Variants in PHF2 observed in about 807,000 individuals in gnomAD.
PHF2 encodes PHD finger protein 2, also known as lysine-specific demethylase PHF2.
Under a neutral mutation model 120.5 loss-of-function variants are expected in PHF2, and 27 were observed. That is an observed-to-expected ratio of 0.22 (90% CI 0.17 to 0.31). The LOEUF is 0.31. PHF2 is among the 10% of genes least tolerant of loss of function. The pLI is 1.00. For missense variants in PHF2, 1,024 were observed against 1,434.8 expected (o/e 0.71, Z 4.63); for synonymous variants, 568 against 592.5 (o/e 0.96, Z 0.60).
At chr9:93,605,799 C>T (rs1825533050) in intron 1 of PHF2, among the ~76,000 whole-genome samples, 1 of 152,078 alleles carries the variant, frequency 6.6e-6, no homozygotes, top group Non-Finnish European at 1.5e-5. Flanking sequence ...TTTATTTATC[C>T]ATTCACCTAC....
intron 1 of PHF2, among the ~76,000 whole-genome samples, chr9:93,613,352 A>G (rs1480358358): frequency 6.6e-6 from 1 of 152,184 alleles, no homozygotes; most frequent in Non-Finnish European, 1.5e-5. Flanking sequence ...CTGCTCCTCT[A>G]GATGGGATTC....
chr9:93,654,683 C>T, intron 7 of PHF2, 108 bp downstream of exon 7: 1 of 1,015,720 alleles, frequency 9.8e-7, no homozygotes, highest in Non-Finnish European at 1.5e-6. Flanking sequence ...TCTTCGGCAT[C>T]CCTGGCATGC....
Position 93,649,145 on chromosome 9 carries a change from G to A in PHF2, c.535G>A (p.Asp179Asn). 1 of 1,550,708 alleles carries A rather than the reference G, an allele frequency of 6.4e-7. No individual in the cohort carries two copies. ...DCKMKLKEFV[D>N]YYYSTNRKRV... Reference sequence around the variant, plus strand: ...CAAGATGAAGCTGAAGGAGTTTGTGGACTATTACTACAGCACCAACCGCAA... The same window carrying A: ...CAAGATGAAGCTGAAGGAGTTTGTGAACTATTACTACAGCACCAACCGCAA... The change falls in exon 5 of 22, where the codon GAC becomes AAC. Residue 179 changes from aspartate to asparagine, a missense_variant. Around this residue, in one of 2 missense-constraint regions of PHF2, gnomAD observed 347 missense variants for 577.4 expected, o/e 0.60. Coordinates refer to ENST00000359246, the MANE Select transcript of PHF2 (RefSeq NM_005392.4).
At chr9:93,673,487 T>C in intron 17 of PHF2, 98 bp from the exon 18 acceptor site, 1 of 1,104,892 alleles carries the variant, frequency 9.1e-7, no homozygotes. Context: ...GGGCCAGGAG[T>C]TTGTGCAGGA....
rs1450574853 is a variant in PHF2, at chr9:93,656,552, T to C, written c.1104T>C (p.Thr368=). The change falls in exon 9 of 22, where the codon ACT becomes ACC. Residue 368 remains threonine, a synonymous_variant. Coordinates refer to ENST00000359246, the MANE Select transcript of PHF2 (RefSeq NM_005392.4). This position sits in a 1 kb window ranked among gnomAD's most constrained non-coding sequence, Gnocchi z 4.1. ...GSLTQFPNFE[T]ACWYMGKHLL... ...TGACTCAGTTTCCCAACTTTGAAAC[T>C]GCGTGCTGGTACATGGGGAAGCACC... 4 of 1,613,778 alleles carry C rather than the reference T, an allele frequency of 2.5e-6. No individual in the cohort carries two copies. In the African/African-American group the frequency reaches 4.0e-5, roughly 16 times the overall value.
chr9:93,649,174 G>T lies in PHF2; in HGVS notation c.564G>T (p.Arg188=). Residue 188 remains arginine (R), a synonymous_variant, in exon 5 of 22, where the codon CGG becomes CGT. Coordinates refer to ENST00000359246, the MANE Select transcript of PHF2 (RefSeq NM_005392.4). ...VDYYYSTNRK[R]VLNVTNLEFS... ...ATTACTACAGCACCAACCGCAAGCG[G>T]GTCCTCAACGTCACCAACCTCGAGT... 6.4e-7 allele frequency: 1 copy of T among 1,551,338 alleles called. No homozygotes were observed. The highest frequency in any genetic ancestry group is 8.7e-7 in the Non-Finnish European group (1 of 1,146,964).
chr9:93,650,386 C>T lies in PHF2; in HGVS notation c.602+1174C>T, dbSNP rs77337973. Among the ~76,000 whole-genome samples, 715 of 152,312 alleles carry T rather than the reference C, an allele frequency of 4.7e-3. 7 individuals carry two copies. The highest frequency in any genetic ancestry group is 0.016 in the African/African-American group (679 of 41,564). ...CTGGCACACTCATACTCCTAACACC[C>T]GCATCCCTGGCACAGTTACTAACAC... is the stretch of plus-strand genomic sequence containing the variant. On this transcript the variant is annotated intron_variant, in intron 5 of 21. Transcript: ENST00000359246.
At chr9:93,617,625 C>T (rs1825750003) in intron 1 of PHF2, among the ~76,000 whole-genome samples, 2 of 152,146 alleles carry the variant, frequency 1.3e-5, no homozygotes, top group Admixed American at 6.5e-5. Flanking sequence ...TTAGGGTTCT[C>T]TAGAGGGACA....
chr9:93,613,909 G>A (rs1170473430), intron 1 of PHF2, among the ~76,000 whole-genome samples: 2 of 152,180 alleles, frequency 1.3e-5, no homozygotes, highest in African/African-American at 4.8e-5. Context: ...TGGGTTGTCA[G>A]CTCCTGGGCT....
At chr9:93,616,507 A>G (rs1301533668) in intron 1 of PHF2, among the ~76,000 whole-genome samples, 1 of 152,152 alleles carries the variant, frequency 6.6e-6, no homozygotes, top group Non-Finnish European at 1.5e-5. Flanking sequence ...TGTGCCTGAC[A>G]CCAACTGAGC....
At chr9:93,667,308 T>A in intron 17 of PHF2, 68 bp downstream of exon 17, 1 of 1,539,168 alleles carries the variant, frequency 6.5e-7, no homozygotes, top group Non-Finnish European at 8.8e-7. Flanking sequence ...CCCTCGGCCA[T>A]GATGGTGGGA....
chr9:93,595,702 G>A (rs1825319383), intron 1 of PHF2, among the ~76,000 whole-genome samples: 1 of 152,270 alleles, frequency 6.6e-6, no homozygotes, highest in Admixed American at 6.5e-5. Flanking sequence ...GCATATGTGT[G>A]TATACATACC....
chr9:93,656,400 T>C lies in PHF2; in HGVS notation c.1041-89T>C, dbSNP rs1826460581. The C allele has an allele frequency of 2.1e-6, 2 of 941,464 alleles. No individual in the cohort carries two copies. Among genetic ancestry groups the C allele is most frequent in the Admixed American group, 1.8e-5 (1 of 56,200 alleles). 58.3% of individuals were successfully genotyped at this position (941,464 alleles called of 1,614,324 possible). ...CTATGCAGGGCCCAGTGGGGAGGCCTGAGCTGGTGTGTCTGGGGCCTGGAT... is the reference window on the plus strand; with the variant it reads ...CTATGCAGGGCCCAGTGGGGAGGCCCGAGCTGGTGTGTCTGGGGCCTGGAT... On this transcript the variant is annotated intron_variant, in intron 8 of 21. Coordinates refer to ENST00000359246, the MANE Select transcript of PHF2 (RefSeq NM_005392.4). The surrounding 1 kb of genome is among the most constrained non-coding windows in gnomAD (Gnocchi z 4.1).
chr9:93,672,813 TG>T (rs1382771732), intron 17 of PHF2: 1 of 983,274 alleles, frequency 1.0e-6, no homozygotes, highest in Non-Finnish European at 1.2e-6. Context: ...GATGCATGTA[TG>T]GGTGTAGGTG....
chr9:93,654,110 C>T (rs1419590869), intron 6 of PHF2, among the ~76,000 whole-genome samples: 1 of 152,184 alleles, frequency 6.6e-6, no homozygotes, highest in African/African-American at 2.4e-5. Flanking sequence ...AGTGGAGCTA[C>T]CTGGAATGCT....
At chr9:93,580,049 A>G (rs529010603) in intron 1 of PHF2, among the ~76,000 whole-genome samples, 3 of 152,182 alleles carry the variant, frequency 2.0e-5, no homozygotes, top group Admixed American at 2.0e-4. Context: ...CTGGAGGGGA[A>G]GTGTGGAGTA....
intron 1 of PHF2, among the ~76,000 whole-genome samples, chr9:93,577,706 G>A (rs1862855077): frequency 1.3e-5 from 2 of 152,204 alleles, no homozygotes; most frequent in African/African-American, 4.8e-5. Context: ...AGGAAGATGG[G>A]GAGGGGGGAA....
At chr9:93,630,273 C>T (rs1825978560) in intron 2 of PHF2, among the ~76,000 whole-genome samples, 1 of 152,242 alleles carries the variant, frequency 6.6e-6, no homozygotes, top group African/African-American at 2.4e-5. Flanking sequence ...TCAGCTCCCG[C>T]TGGCAGAGGC....
chr9:93,660,164 AT>A, intron 11 of PHF2, 27 bp from the exon 12 acceptor site: 1 of 1,516,140 alleles, frequency 6.6e-7, no homozygotes, highest in Non-Finnish European at 8.8e-7. Context: ...CAGAAGCAGC[AT>A]GTGACCCTCT....
Sources: gnomAD v4.1 joint callset for allele counts (sites outside exome capture counted in the v4.1 genomes callset) on GRCh38, gnomAD v4.1.1 for gene constraint, gnomAD v4.1.1 regional missense constraint, Gnocchi (gnomAD v3.1) non-coding constraint, MANE v1.5 for transcripts, NCBI Gene and HGNC (gene_info 2026-07-23, HGNC 2026-07-21) for gene names.